TTC21B: variants seen among roughly 807,000 people sequenced by gnomAD.
The protein encoded by TTC21B is tetratricopeptide repeat protein 21B.
Under a neutral mutation model 175.1 loss-of-function variants are expected in TTC21B, and 127 were observed. The observed-to-expected ratio is 0.73, with a 90% confidence interval of 0.63 to 0.84. The LOEUF is 0.84. Ranked by LOEUF, TTC21B falls within the 40% of genes least tolerant of loss-of-function variation. TTC21B has a pLI of 0.00. For missense variants in TTC21B, 1,561 were observed against 1,558.3 expected, an observed-to-expected ratio of 1.00 and a Z score of -0.03; for synonymous variants, 524 against 524.5, an observed-to-expected ratio of 1.00 and a Z score of 0.01.
At position 165,941,083 on chromosome 2, in the gene TTC21B, T is replaced by G. The variant is rs767402901; in HGVS notation, c.654A>C (p.Lys218Asn). Residue 218 changes from lysine (K) to asparagine (N), a missense_variant, in exon 6 of 29, where the codon AAA becomes AAC. Transcript: ENST00000243344. Reference protein sequence around the residue: ...FPSFLPAFVKKMKLQLALQDW... With the variant: ...FPSFLPAFVKNMKLQLALQDW... ...CCTGCAAGGCTAGTTGTAATTTCAT[T>G]TTCTTAACAAAAGCAGGAAGGAAGC... 6.8e-6 allele frequency: 11 copies of G among 1,613,850 alleles called. No homozygotes were observed. In the East Asian group the frequency reaches 2.5e-4, roughly 36 times the overall value.
rs115504901 is a variant in TTC21B at position 165,883,959 on chromosome 2, A to G, written c.3519T>C (p.Thr1173=). ...GCTTCAGCTGGTTTCTGGCTCGTGG[A>G]GTCTGTTTCAAGATCATATAAGCCG... ...MATAYMILKQ[T]PRARNQLKRI... is the part of the protein sequence containing the mutation. The change falls in exon 26 of 29, where the codon ACT becomes ACC. Residue 1173 remains threonine (T), a synonymous_variant. Coordinates refer to ENST00000243344, the MANE Select transcript of TTC21B (RefSeq NM_024753.5). 54,390 of 1,614,034 alleles carry G rather than the reference A, an allele frequency of 0.034. 1,262 individuals are homozygous for G. The highest frequency in any genetic ancestry group is 0.037 in the Non-Finnish European group (43,421 of 1,179,972).
chr2:165,898,543 T>C (rs930303058), intron 22 of TTC21B, 143 bp downstream of exon 22: 5 of 707,308 alleles, frequency 7.1e-6, no homozygotes, highest in Non-Finnish European at 1.3e-5. Context: ...CCATTTCAGC[T>C]ACTCAAGCCC....
At chr2:165,889,211 G>A (rs1029730813) in intron 24 of TTC21B, among the ~76,000 whole-genome samples, 1 of 152,068 alleles carries the variant, frequency 6.6e-6, no homozygotes, top group African/African-American at 2.4e-5. Flanking sequence ...TTCTTCTCAG[G>A]CCTTAGGCTT....
intron 12 of TTC21B, among the ~76,000 whole-genome samples, chr2:165,922,180 G>A (rs1054390783): frequency 6.6e-6 from 1 of 151,974 alleles, no homozygotes; most frequent in Non-Finnish European, 1.5e-5. Context: ...TTTAGTAGGC[G>A]ATACCCCTTC....
chr2:165,921,946 T>C (rs892819409), intron 12 of TTC21B, among the ~76,000 whole-genome samples: 1 of 152,030 alleles, frequency 6.6e-6, no homozygotes, highest in African/African-American at 2.4e-5. Context: ...GTACCCAATG[T>C]ACATAGTCTT....
rs779121249 is a variant in TTC21B at position 165,930,219 on chromosome 2, T to C, written c.1040A>G (p.Tyr347Cys). Reference sequence around the variant, plus strand: ...CTCATCAAGTGTCATGGCGGTCTTATACCACTTCAGTGCCTCTTTAACTCT... The same window carrying C: ...CTCATCAAGTGTCATGGCGGTCTTACACCACTTCAGTGCCTCTTTAACTCT... ...QGRVKEALKW[Y>C]KTAMTLDETS... Residue 347 changes from tyrosine to cysteine, a missense_variant, in exon 9 of 29, where the codon TAT becomes TGT. Coordinates refer to ENST00000243344, the MANE Select transcript of TTC21B (RefSeq NM_024753.5). 1.9e-6 allele frequency: 3 copies of C among 1,613,444 alleles called. No homozygotes were observed. The highest frequency in any genetic ancestry group is 1.7e-6 in the Non-Finnish European group (2 of 1,179,534).
At chr2:165,908,024 T>C (rs1250032638) in intron 18 of TTC21B, among the ~76,000 whole-genome samples, 1 of 152,182 alleles carries the variant, frequency 6.6e-6, no homozygotes, top group African/African-American at 2.4e-5. Context: ...AGGCTTTTCT[T>C]AGACATATAT....
intron 13 of TTC21B, among the ~76,000 whole-genome samples, chr2:165,918,614 G>C (rs1686273694): frequency 6.6e-6 from 1 of 152,032 alleles, no homozygotes; most frequent in Non-Finnish European, 1.5e-5. Context: ...TCTTAATTAG[G>C]ATTCTCTAAT....
At position 165,929,423 on chromosome 2, in the gene TTC21B, A is replaced by C. The variant is rs1042535924; in HGVS notation, c.1186-88T>G. 2.2e-5 allele frequency: 24 copies of C among 1,086,026 alleles called. 1 individual carries two copies. Among genetic ancestry groups the C allele is most frequent in the Middle Eastern group, 3.0e-4 (1 of 3,388 alleles). The allele number at this position is 1,086,026 out of a possible 1,614,324, so 67.3% of individuals were successfully genotyped here. Reference sequence around the variant, plus strand: ...AGATTTCAAATGCATATAATGTGCTACTGATATGCAATTATTTGTTCAAAC... The same window carrying C: ...AGATTTCAAATGCATATAATGTGCTCCTGATATGCAATTATTTGTTCAAAC... On this transcript the variant is annotated intron_variant, in intron 10 of 28. Transcript: ENST00000243344.
intron 27 of TTC21B, among the ~76,000 whole-genome samples, chr2:165,878,542 A>T (rs1389210859): frequency 6.7e-6 from 1 of 150,084 alleles, no homozygotes; most frequent in African/African-American, 2.5e-5. Context: ...GGGTGTGTAG[A>T]TATATGTGTG....
At chr2:165,933,208 C>A in intron 6 of TTC21B, 151 bp from the exon 7 acceptor site, 1 of 626,934 alleles carries the variant, frequency 1.6e-6, no homozygotes, top group Non-Finnish European at 2.8e-6. Flanking sequence ...TGAAAATTAT[C>A]AACTTTATTA....
At chr2:165,921,433 C>A (rs191924255) in intron 12 of TTC21B, among the ~76,000 whole-genome samples, 1 of 152,180 alleles carries the variant, frequency 6.6e-6, no homozygotes, top group Non-Finnish European at 1.5e-5. Flanking sequence ...TCAGACCTCA[C>A]CCTGTGCATC....
At position 165,953,652 on chromosome 2, in the gene TTC21B, C is replaced by CCCGCTCAT. The variant is rs1471663226; in HGVS notation, c.21+32_21+33insATGAGCGG. 2.9e-6 allele frequency: 4 copies of CCCGCTCAT among 1,387,480 alleles called. No homozygotes were observed. In the South Asian group the frequency reaches 5.1e-5, roughly 18 times the overall value. The allele number at this position is 1,387,480 out of a possible 1,614,324, so 85.9% of individuals were successfully genotyped here. On this transcript the variant is annotated intron_variant, in intron 1 of 28. Coordinates refer to ENST00000243344, the MANE Select transcript of TTC21B (RefSeq NM_024753.5). ...GCCGCAAAGGAACTCCGCCCGCCCGCCCGCTCACCCGCTCACCCGCTCACC... is the reference window on the plus strand; with the variant it reads ...GCCGCAAAGGAACTCCGCCCGCCCGCCCGCTCATCCGCTCACCCGCTCACCCGCTCACC...
At position 165,941,119 on chromosome 2, in the gene TTC21B, C is replaced by A; in HGVS notation, c.618G>T (p.Val206=). 1 of 1,613,902 alleles carries A rather than the reference C, an allele frequency of 6.2e-7. No homozygotes were observed. Among genetic ancestry groups the A allele is most frequent in the Non-Finnish European group, 8.5e-7 (1 of 1,179,868 alleles). The change falls in exon 6 of 29, where the codon GTG becomes GTT. Residue 206 remains valine, a synonymous_variant. Coordinates refer to ENST00000243344, the MANE Select transcript of TTC21B (RefSeq NM_024753.5). ...GALETVNQII[V]NFPSFLPAFV... The stretch of plus-strand genomic sequence containing the variant: ...AAGCAGGAAGGAAGCTCGGAAAATT[C>A]ACGATTATCTGGTTCACAGTCTCCA...
At chr2:165,886,454 T>C (rs954377573) in intron 25 of TTC21B, among the ~76,000 whole-genome samples, 5 of 152,210 alleles carry the variant, frequency 3.3e-5, no homozygotes. Context: ...CGCTGGCTGC[T>C]TAATGAATAT....
chr2:165,881,807 T>C (rs140036328), intron 26 of TTC21B, among the ~76,000 whole-genome samples: 373 of 152,250 alleles, frequency 2.4e-3, no homozygotes, highest in African/African-American at 7.7e-3. Context: ...TATTGAAAAA[T>C]CTGAAAGTAT....
chr2:165,919,491 G>T (rs1057357310), intron 12 of TTC21B, 58 bp from the exon 13 acceptor site: 2 of 1,572,142 alleles, frequency 1.3e-6, no homozygotes, highest in Non-Finnish European at 8.7e-7. Flanking sequence ...GGAGATCTGA[G>T]AGGGAAGAGG....
At chr2:165,897,545 G>A (rs569615553) in intron 22 of TTC21B, among the ~76,000 whole-genome samples, 3 of 152,106 alleles carry the variant, frequency 2.0e-5, no homozygotes, top group Non-Finnish European at 2.9e-5. Flanking sequence ...GTTCTATTTT[G>A]GACATGTTAA....
At chr2:165,916,962 C>T (rs539204315) in intron 14 of TTC21B, among the ~76,000 whole-genome samples, 5 of 152,184 alleles carry the variant, frequency 3.3e-5, no homozygotes, top group Non-Finnish European at 4.4e-5. Flanking sequence ...CTGCAACCTC[C>T]GCCTCCTAGG....
Sources: allele counts gnomAD v4.1 joint callset (sites outside exome capture counted in the v4.1 genomes callset), GRCh38; gene constraint gnomAD v4.1.1; transcripts MANE v1.5; gene names NCBI Gene and HGNC (gene_info 2026-07-23, HGNC 2026-07-21).